NAV1: variants seen among roughly 807,000 people sequenced by gnomAD.
NAV1 encodes the protein pore membrane and/or filament interacting like protein 3.
In NAV1, 18 loss-of-function variants were observed where a neutral mutation model predicts 175.2. That is an observed-to-expected ratio of 0.10 (90% CI 0.07 to 0.15). NAV1 has a LOEUF of 0.15. NAV1 is among the 10% of genes least tolerant of loss of function. The probability of loss-of-function intolerance (pLI) is 1.00; values close to 1 mark genes in which losing one functional copy is unlikely to be tolerated. For missense variants in NAV1, 1,731 were observed against 2,436.6 expected (o/e 0.71, Z 6.10); for synonymous variants, 897 against 978.7 (o/e 0.92, Z 1.56).
intron 3 of NAV1, among the ~76,000 whole-genome samples, chr1:201,738,044 T>C (rs1292197231): frequency 1.3e-5 from 2 of 152,012 alleles, no homozygotes; most frequent in African/African-American, 4.8e-5. Flanking sequence ...AGAGCCAGGA[T>C]AGGGCTTGGC....
intron 1 of NAV1, 140 bp downstream of exon 5, chr1:201,649,565 T>A: frequency 1.5e-6 from 2 of 1,357,612 alleles, no homozygotes; most frequent in Non-Finnish European, 1.9e-6. Context: ...GTGATGGGCA[T>A]TGCGCCCAGA....
intron 3 of NAV1, among the ~76,000 whole-genome samples, chr1:201,748,946 G>A (rs571095594): frequency 1.7e-4 from 26 of 152,252 alleles, no homozygotes; most frequent in Non-Finnish European, 2.9e-4. Context: ...TCAGGAGTTC[G>A]AGACCAGCCT....
At chr1:201,728,638 A>T (rs928826756) in intron 3 of NAV1, among the ~76,000 whole-genome samples, 10 of 151,576 alleles carry the variant, frequency 6.6e-5, no homozygotes, top group African/African-American at 2.4e-4. Context: ...AAAAAAAGAC[A>T]TCTGTAGAGA....
chr1:201,818,783 C>A (rs1199273421), intron 29 of NAV1, among the ~76,000 whole-genome samples: 3 of 152,182 alleles, frequency 2.0e-5, no homozygotes, highest in Admixed American at 1.3e-4. Flanking sequence ...ATGCGCAAAT[C>A]CTGTGACCTT....
chr1:201,675,046 A>AAG (rs1219869834), intron 1 of NAV1, among the ~76,000 whole-genome samples: 1 of 151,808 alleles, frequency 6.6e-6, no homozygotes, highest in African/African-American at 2.4e-5. Flanking sequence ...AAAAAAAAAA[A>AAG]AAGAACTCAC....
chr1:201,686,116 C>A (rs571943007), intron 1 of NAV1, among the ~76,000 whole-genome samples: 8 of 152,282 alleles, frequency 5.3e-5, no homozygotes, highest in Admixed American at 2.0e-4. Flanking sequence ...ACCTAATAAG[C>A]ACCGAGGGAC....
At chr1:201,594,438 G>C (rs1352147503) in intron 2 of NAV1, among the ~76,000 whole-genome samples, 1 of 152,200 alleles carries the variant, frequency 6.6e-6, no homozygotes, top group African/African-American at 2.4e-5. Flanking sequence ...TTAGGAGCCA[G>C]CTTGAAGAGA....
chr1:201,698,873 C>T (rs1477944896), intron 1 of NAV1, among the ~76,000 whole-genome samples: 1 of 152,226 alleles, frequency 6.6e-6, no homozygotes, highest in African/African-American at 2.4e-5. Context: ...TCTTCTGCCG[C>T]TAACTCAAAT....
intron 3 of NAV1, among the ~76,000 whole-genome samples, chr1:201,749,154 AG>A (rs1673949086): frequency 6.6e-6 from 1 of 152,194 alleles, no homozygotes; most frequent in African/African-American, 2.4e-5. Flanking sequence ...TTTCAAAAAA[AG>A]AAAAAGACTC....
In NAV1 at chr1:201,694,677, G is replaced by A. The variant is rs987824012; in HGVS notation, c.758-18140G>A. Among the ~76,000 whole-genome samples, 13 of 152,320 alleles carry A rather than the reference G, an allele frequency of 8.5e-5. No homozygotes were observed. The highest frequency in any genetic ancestry group is 8.5e-4 in the Admixed American group (13 of 15,306). On this transcript the variant is annotated intron_variant, in intron 1 of 29. Transcript: ENST00000367296. This position sits in a 1 kb window ranked among gnomAD's most constrained non-coding sequence, Gnocchi z 4.2. ...GGGAGCCGTAAATAGCCAGGAGCCT[G>A]TGTTCTCTGGGCTCTGTGTTCTGTC...
intron 3 of NAV1, among the ~76,000 whole-genome samples, chr1:201,731,499 C>G (rs1672858915): frequency 6.6e-6 from 1 of 152,126 alleles, no homozygotes; most frequent in South Asian, 2.1e-4. Flanking sequence ...CCCCCCTTCT[C>G]CTTTGGCCAG....
intron 3 of NAV1, among the ~76,000 whole-genome samples, chr1:201,752,610 C>T (rs1465828883): frequency 7.0e-6 from 1 of 143,166 alleles, no homozygotes; most frequent in Non-Finnish European, 1.5e-5. Context: ...ACAGCTTTGC[C>T]TTTTTTTTTT....
At position 201,782,597 on chromosome 1, in the gene NAV1, C is replaced by T. The variant is rs755662381; in HGVS notation, c.2085C>T (p.Ser695=). 1.9e-6 allele frequency: 3 copies of T among 1,613,660 alleles called. No homozygotes were observed. Among genetic ancestry groups the T allele is most frequent in the South Asian group, 2.2e-5 (2 of 91,058 alleles). Residue 695 remains serine (S), a synonymous_variant, in exon 6 of 30, where the codon AGC becomes AGT. Coordinates refer to ENST00000367296, the Ensembl canonical transcript of NAV1. This position sits in a 1 kb window ranked among gnomAD's most constrained non-coding sequence, Gnocchi z 5.4. The stretch of plus-strand genomic sequence containing the variant: ...GGCGGGGTGGACCTCGCCCTGTGAG[C>T]AGCAGCATTGACCCCAGTCTCCTCA...
exon 1 of NAV1, chr1:201,648,466 G>C: frequency 8.2e-7 from 1 of 1,212,626 alleles, no homozygotes; most frequent in Non-Finnish European, 1.0e-6. Flanking sequence ...TTCCTTCCTC[G>C]CGTTTCTTTC....
intron 1 of NAV1, among the ~76,000 whole-genome samples, chr1:201,681,656 A>G (rs1473847462): frequency 2.0e-5 from 3 of 152,114 alleles, no homozygotes; most frequent in Admixed American, 6.5e-5. Flanking sequence ...ATCTTCACCT[A>G]TAAACATCTT....
chr1:201,620,759 G>A (rs945959237), upstream of NAV1, among the ~76,000 whole-genome samples: 6 of 151,902 alleles, frequency 3.9e-5, no homozygotes, highest in East Asian at 1.9e-4. Flanking sequence ...GTGAGCCACC[G>A]CACCCAGCCT....
intron 2 of NAV1, among the ~76,000 whole-genome samples, chr1:201,599,184 AG>A (rs1465900274): frequency 6.6e-6 from 1 of 152,180 alleles, no homozygotes; most frequent in Non-Finnish European, 1.5e-5. Context: ...TGGGACAATG[AG>A]GTCACACTCT....
intron 1 of NAV1, among the ~76,000 whole-genome samples, chr1:201,650,420 G>A (rs1258435982): frequency 2.6e-5 from 4 of 152,234 alleles, no homozygotes; most frequent in African/African-American, 9.6e-5. Flanking sequence ...GGGGCCTGGT[G>A]CCCAGGCGAG....
At chr1:201,598,377 C>G (rs536366503) in intron 2 of NAV1, among the ~76,000 whole-genome samples, 2 of 152,166 alleles carry the variant, frequency 1.3e-5, no homozygotes, top group Non-Finnish European at 2.9e-5. Flanking sequence ...CTTAGAGGAC[C>G]CCCAAGAAAC....
Sources: allele counts gnomAD v4.1 joint callset (sites outside exome capture counted in the v4.1 genomes callset), GRCh38; gene constraint gnomAD v4.1.1; non-coding constraint Gnocchi (gnomAD v3.1); transcripts MANE v1.5; gene names NCBI Gene and HGNC (gene_info 2026-07-23, HGNC 2026-07-21).